SEMA5B: variants seen among roughly 807,000 people sequenced by gnomAD.
The protein encoded by SEMA5B is semaphorin 5B.
A neutral mutation model predicts 135.0 loss-of-function variants in SEMA5B; 66 were observed. The observed-to-expected ratio is 0.49, with a 90% CI of 0.40 to 0.60. The LOEUF (loss-of-function observed/expected upper bound fraction) is 0.60. Ranked by LOEUF, SEMA5B falls within the 20% of genes least tolerant of loss-of-function variation. The pLI is 0.00. For synonymous variants in SEMA5B, 690 were observed against 639.5 expected (o/e 1.08, Z -1.19); for missense variants, 1,501 against 1,566.3 (o/e 0.96, Z 0.70).
chr3:122,996,521 G>C (rs1007337703), intron 1 of SEMA5B, among the ~76,000 whole-genome samples: 2 of 152,244 alleles, frequency 1.3e-5, no homozygotes, highest in South Asian at 4.1e-4. Context: ...ATCCAGGCAC[G>C]AGCAGTGGAA....
chr3:122,971,513 A>G (rs1576378913), intron 1 of SEMA5B, among the ~76,000 whole-genome samples: 2 of 152,378 alleles, frequency 1.3e-5, no homozygotes, highest in East Asian at 1.9e-4. Context: ...TTGATCGGAA[A>G]TGTTTTCCAA....
At position 122,921,916 on chromosome 3, in the gene SEMA5B, C is replaced by G. The variant is rs1357686403; in HGVS notation, c.1687G>C (p.Gly563Arg). ...LERCAAYRSQ[G>R]ACLGARDPYC... is the part of the protein sequence containing the mutation. ...GGGAGCCGCCCCGTCCCGGCTTACCCCTGGCTGCGGTAGGCGGCGCACCTC... is the reference window on the plus strand; with the variant it reads ...GGGAGCCGCCCCGTCCCGGCTTACCGCTGGCTGCGGTAGGCGGCGCACCTC... Residue 563 changes from glycine (G) to arginine (R), a missense_variant and splice_region_variant, in exon 12 of 23, where the codon GGG (glycine) becomes CGG (arginine). Physicochemically the swap from Gly to Arg is moderately radical, Grantham distance 125. Transcript: ENST00000357599. The G allele has an allele frequency of 1.3e-6, 2 of 1,532,252 alleles. No individual in the cohort carries two copies. Among genetic ancestry groups the G allele is most frequent in the Non-Finnish European group, 1.7e-6 (2 of 1,144,924 alleles). The allele number at this position is 1,532,252 out of a possible 1,614,324, so 94.9% of individuals were successfully genotyped here. A position where few individuals can be genotyped will look rare whatever the true frequency, so the allele number is the denominator to read the frequency against.
Position 122,910,867 on chromosome 3 carries a change from A to G in SEMA5B, c.3270T>C (p.Asn1090=), listed in dbSNP as rs1407790976. The G allele has an allele frequency of 1.2e-6, 2 of 1,611,574 alleles. No individual in the cohort carries two copies. The highest frequency in any genetic ancestry group is 8.5e-7 in the Non-Finnish European group (1 of 1,179,712). Residue 1090 remains asparagine, a synonymous_variant, in exon 22 of 23, where the codon AAT becomes AAC. Coordinates refer to ENST00000357599, the MANE Select transcript of SEMA5B (RefSeq NM_001031702.4). The part of the protein sequence containing the change: ...LHYKGGGTPK[N]EKYTPMEFKT... ...TGAATTCCATGGGTGTGTACTTTTC[A>G]TTCTTCGGGGTGCCTCCGCCCTTGT...
intron 1 of SEMA5B, among the ~76,000 whole-genome samples, chr3:123,002,661 G>C (rs1023116701): frequency 6.6e-6 from 1 of 152,212 alleles, no homozygotes; most frequent in South Asian, 2.1e-4. Flanking sequence ...TTGAAGCCCC[G>C]ACCTGCAGAC....
intron 8 of SEMA5B, among the ~76,000 whole-genome samples, chr3:122,927,404 G>A (rs988243728): frequency 1.3e-5 from 2 of 152,154 alleles, no homozygotes; most frequent in African/African-American, 2.4e-5. Flanking sequence ...TGTTGCCCAC[G>A]CTGGTCTCCA....
In SEMA5B at chr3:122,919,358, A is replaced by G. The variant is rs116195433; in HGVS notation, c.1688+2557T>C. Among the ~76,000 whole-genome samples the G allele has an allele frequency of 6.6e-3, 1,003 of 152,288 alleles. 12 individuals carry two copies. The highest frequency in any genetic ancestry group is 0.023 in the African/African-American group (957 of 41,564). On this transcript the variant is annotated intron_variant, in intron 12 of 22. Transcript: ENST00000357599. The stretch of plus-strand genomic sequence containing the variant: ...AAACACCCGCTTTGCAGAGCCAGTC[A>G]GCAGTTTATTCCCCAGCTCCTCCTC...
chr3:122,967,638 T>C (rs1156979743), intron 1 of SEMA5B, among the ~76,000 whole-genome samples: 2 of 152,244 alleles, frequency 1.3e-5, no homozygotes, highest in Admixed American at 6.5e-5. Flanking sequence ...TGTGGTGCCA[T>C]TCATGCTCCA....
chr3:122,920,841 A>T (rs1399078379), intron 12 of SEMA5B, among the ~76,000 whole-genome samples: 1 of 152,170 alleles, frequency 6.6e-6, no homozygotes, highest in Non-Finnish European at 1.5e-5. Flanking sequence ...ATCTGAGGGA[A>T]ATCAGTGTTC....
intron 1 of SEMA5B, among the ~76,000 whole-genome samples, chr3:122,972,018 T>C (rs1196428691): frequency 2.6e-5 from 4 of 152,256 alleles, no homozygotes; most frequent in African/African-American, 9.6e-5. Flanking sequence ...CAAACGCTTG[T>C]TGTCCACATG....
chr3:122,963,229 G>T (rs1940666601), intron 1 of SEMA5B, among the ~76,000 whole-genome samples: 1 of 152,162 alleles, frequency 6.6e-6, no homozygotes, highest in Non-Finnish European at 1.5e-5. Context: ...GAGTGCAGTG[G>T]CTCATGCCTG....
intron 1 of SEMA5B, among the ~76,000 whole-genome samples, chr3:122,988,309 G>A (rs921215712): frequency 3.3e-5 from 5 of 152,210 alleles, no homozygotes; most frequent in African/African-American, 1.2e-4. Context: ...AGAAGGTGTG[G>A]CACCCAGCTC....
chr3:122,928,675 C>T (rs1938778073), intron 6 of SEMA5B, 60 bp from the exon 7 acceptor site: 2 of 1,220,082 alleles, frequency 1.6e-6, no homozygotes, highest in East Asian at 2.5e-5. Flanking sequence ...CTGGATATCT[C>T]ACGCTCACAC....
At chr3:122,966,563 A>ATTATTATTC (rs1165019946) in intron 1 of SEMA5B, among the ~76,000 whole-genome samples, 6 of 115,074 alleles carry the variant, frequency 5.2e-5, no homozygotes, top group African/African-American at 2.4e-4. Context: ...TATTATTATT[A>ATTATTATTC]TTATTTTTTG....
At chr3:122,917,073 C>T (rs1424018438) in intron 12 of SEMA5B, among the ~76,000 whole-genome samples, 1 of 152,206 alleles carries the variant, frequency 6.6e-6, no homozygotes, top group East Asian at 1.9e-4. Flanking sequence ...TGGAATCAGG[C>T]TTTGCTATCC....
chr3:122,976,937 C>G (rs1336895459), intron 1 of SEMA5B, among the ~76,000 whole-genome samples: 3 of 152,176 alleles, frequency 2.0e-5, no homozygotes, highest in Non-Finnish European at 2.9e-5. Flanking sequence ...GTAATCCCAG[C>G]TACTCGAGAG....
In SEMA5B at chr3:122,948,669, C is replaced by A. The variant is rs1442673444; in HGVS notation, c.165G>T (p.Glu55Asp). The change falls in exon 3 of 23, where the codon GAG (glutamate) becomes GAT (aspartate). Residue 55 changes from glutamate to aspartate, a missense_variant. Physicochemically the swap from Glu to Asp is conservative, Grantham distance 45 (BLOSUM62 2). Coordinates refer to ENST00000357599, the MANE Select transcript of SEMA5B (RefSeq NM_001031702.4). ...PCLPPGARTA[E>D]GPIMVLAGPL... ...GGCCTGCAAGCACCATGATAGGCCC[C>A]TCTGCAGTCCTAGCTCCGGGAGGCA... The A allele has an allele frequency of 6.2e-7, 1 of 1,611,780 alleles. No homozygotes were observed. The highest frequency in any genetic ancestry group is 8.5e-7 in the Non-Finnish European group (1 of 1,178,474).
intron 1 of SEMA5B, among the ~76,000 whole-genome samples, chr3:122,971,263 C>T (rs1941102305): frequency 6.6e-6 from 1 of 152,186 alleles, no homozygotes; most frequent in Non-Finnish European, 1.5e-5. Flanking sequence ...GTGCTATATC[C>T]CTAGCTGCTA....
chr3:122,957,028 A>T (rs370465112), intron 2 of SEMA5B, among the ~76,000 whole-genome samples: 11 of 152,190 alleles, frequency 7.2e-5, no homozygotes, highest in African/African-American at 2.7e-4. Flanking sequence ...ATCCTTGGAC[A>T]ATCTGGAGAA....
chr3:123,011,863 AC>A, intron 1 of SEMA5B, among the ~76,000 whole-genome samples: 1 of 152,080 alleles, frequency 6.6e-6, no homozygotes, highest in Non-Finnish European at 1.5e-5. Context: ...TGAGCCAGAA[AC>A]CCCGCTCTGG....
Sources: allele counts gnomAD v4.1 joint callset (sites outside exome capture counted in the v4.1 genomes callset), GRCh38; gene constraint gnomAD v4.1.1; transcripts MANE v1.5; gene names NCBI Gene and HGNC (gene_info 2026-07-23, HGNC 2026-07-21).